CNBD1: variants seen among roughly 807,000 people sequenced by gnomAD.
CNBD1 encodes the protein cyclic nucleotide binding domain containing 1, also known as cyclic nucleotide-binding domain-containing protein 1.
CNBD1 carries 71 observed loss-of-function variants against 54.4 expected under a neutral mutation model. That is an observed-to-expected ratio of 1.30 (90% CI 1.08 to 1.59). The LOEUF is 1.59. Among genes scored for constraint, CNBD1 ranks in the 40% most tolerant of loss-of-function variants. The pLI is 0.00. For missense variants in CNBD1, 659 were observed against 518.0 expected (o/e 1.27, Z -2.64); for synonymous variants, 182 against 170.7 (o/e 1.07, Z -0.51).
chr8:87,306,397 G>A (rs1303417792), intron 8 of CNBD1, among the ~76,000 whole-genome samples: 1 of 152,084 alleles, frequency 6.6e-6, no homozygotes, highest in South Asian at 2.1e-4. Flanking sequence ...CTGCTACTGG[G>A]TATCTACTCA....
At chr8:86,883,206 C>T (rs1808630234) in intron 1 of CNBD1, among the ~76,000 whole-genome samples, 1 of 151,550 alleles carries the variant, frequency 6.6e-6, no homozygotes, top group Non-Finnish European at 1.5e-5. Context: ...AGATTGGTGA[C>T]AAAGTTATTA....
At chr8:87,313,693 C>A (rs1809321287) in intron 8 of CNBD1, among the ~76,000 whole-genome samples, 1 of 151,496 alleles carries the variant, frequency 6.6e-6, no homozygotes, top group Non-Finnish European at 1.5e-5. Context: ...CTTATGTTCC[C>A]TTTACTAGAT....
At chr8:87,423,383 GC>G (rs1432374479) in intron 2 of CNBD1, among the ~76,000 whole-genome samples, 1 of 150,494 alleles carries the variant, frequency 6.6e-6, no homozygotes, top group East Asian at 1.9e-4. Context: ...TCCAGTTTTT[GC>G]CCATTCAGTA....
intron 4 of CNBD1, among the ~76,000 whole-genome samples, chr8:87,144,523 C>T (rs1812441345): frequency 6.6e-6 from 1 of 152,108 alleles, no homozygotes; most frequent in Non-Finnish European, 1.5e-5. Flanking sequence ...GGTTTAAAAA[C>T]TATCCCAATA....
chr8:86,931,511 A>G (rs1333192994), intron 3 of CNBD1, among the ~76,000 whole-genome samples: 3 of 152,044 alleles, frequency 2.0e-5, no homozygotes, highest in African/African-American at 7.3e-5. Flanking sequence ...AGCCACACTG[A>G]TAACAAGCCC....
chr8:87,340,482 A>G (rs757544521), intron 8 of CNBD1, among the ~76,000 whole-genome samples: 6 of 152,278 alleles, frequency 3.9e-5, no homozygotes, highest in East Asian at 3.9e-4. Context: ...ATGTCTTTAC[A>G]TAAACTTTCT....
intron 4 of CNBD1, among the ~76,000 whole-genome samples, chr8:87,181,319 A>C (rs1216712792): frequency 6.6e-6 from 1 of 152,200 alleles, no homozygotes; most frequent in Non-Finnish European, 1.5e-5. Flanking sequence ...CATAGTTACA[A>C]TTGAGATAGT....
intron 10 of CNBD1, among the ~76,000 whole-genome samples, chr8:87,357,783 C>T (rs1810449704): frequency 6.6e-6 from 1 of 152,028 alleles, no homozygotes; most frequent in Admixed American, 6.6e-5. Flanking sequence ...TATGGTAGGC[C>T]AGCAACAGAA....
In CNBD1 at chr8:87,423,556, C is replaced by T. The variant is rs1246561395; in HGVS notation, c.214-4990C>T. Among the ~76,000 whole-genome samples, 3 of 150,312 alleles carry T rather than the reference C, an allele frequency of 2.0e-5. No individual in the cohort carries two copies. In the South Asian group the frequency reaches 6.2e-4, roughly 31 times the overall value. The stretch of plus-strand genomic sequence containing the variant: ...AATCATGTGGTTTCTGTCTTTGGCT[C>T]TGTTTATATGCTGGATTACATTTAT... On this transcript the variant is annotated intron_variant, in intron 2 of 7. Transcript: ENST00000521593.
chr8:87,384,072 A>G (rs1811139804), downstream of CNBD1, among the ~76,000 whole-genome samples: 1 of 152,222 alleles, frequency 6.6e-6, no homozygotes, highest in South Asian at 2.1e-4. Flanking sequence ...TCTGCCTTCA[A>G]AATCATTTGG....
At chr8:87,229,575 C>G (rs191739770) in intron 5 of CNBD1, among the ~76,000 whole-genome samples, 1 of 151,962 alleles carries the variant, frequency 6.6e-6, no homozygotes, top group Non-Finnish European at 1.5e-5. Flanking sequence ...GGGATTATGT[C>G]AAATACTCTT....
At chr8:87,426,066 G>C (rs966277672) in intron 2 of CNBD1, among the ~76,000 whole-genome samples, 8 of 152,236 alleles carry the variant, frequency 5.3e-5, no homozygotes, top group Non-Finnish European at 1.0e-4. Context: ...ATTTGGGTGG[G>C]AGTGAACGGA....
At chr8:87,133,738 A>AT (rs139517440) in intron 4 of CNBD1, among the ~76,000 whole-genome samples, 2 of 151,936 alleles carry the variant, frequency 1.3e-5, no homozygotes, top group Non-Finnish European at 2.9e-5. Flanking sequence ...TGGATTTAAA[A>AT]TTTTTTTTAT....
intron 4 of CNBD1, among the ~76,000 whole-genome samples, chr8:87,200,264 C>T (rs541858560): frequency 4.3e-4 from 66 of 152,062 alleles, no homozygotes; most frequent in African/African-American, 8.9e-4. Context: ...CAGTGAACTC[C>T]GAGTAGTAGA....
intron 4 of CNBD1, among the ~76,000 whole-genome samples, chr8:86,955,539 A>C (rs1000485827): frequency 6.6e-6 from 1 of 152,166 alleles, no homozygotes; most frequent in Non-Finnish European, 1.5e-5. Context: ...CTGATGTGAG[A>C]TGGTATCTCA....
At chr8:87,321,514 T>C (rs1333609360) in intron 8 of CNBD1, among the ~76,000 whole-genome samples, 1 of 152,184 alleles carries the variant, frequency 6.6e-6, no homozygotes, top group Non-Finnish European at 1.5e-5. Context: ...TCTATTCAAA[T>C]CTCTTGCCCA....
chr8:87,301,800 G>A (rs1433619847), intron 8 of CNBD1, among the ~76,000 whole-genome samples: 1 of 152,114 alleles, frequency 6.6e-6, no homozygotes, highest in East Asian at 1.9e-4. Flanking sequence ...AAATGATAAA[G>A]GGGATATCAC....
intron 6 of CNBD1, among the ~76,000 whole-genome samples, chr8:87,253,583 G>C (rs998339372): frequency 6.6e-6 from 1 of 152,138 alleles, no homozygotes; most frequent in Admixed American, 6.6e-5. Flanking sequence ...TAGTACCCAA[G>C]TGCCATGTGG....
intron 6 of CNBD1, among the ~76,000 whole-genome samples, chr8:87,265,256 G>A (rs1192348448): frequency 6.6e-6 from 1 of 151,972 alleles, no homozygotes; most frequent in Non-Finnish European, 1.5e-5. Context: ...ATTAAATAGG[G>A]AATCCTTTCC....
Sources: allele counts gnomAD v4.1 joint callset (sites outside exome capture counted in the v4.1 genomes callset), GRCh38; gene constraint gnomAD v4.1.1; transcripts MANE v1.5; gene names NCBI Gene and HGNC (gene_info 2026-07-23, HGNC 2026-07-21).